DENND3: variants seen among roughly 807,000 people sequenced by gnomAD.
DENND3 encodes the protein DENN domain-containing protein 3.
DENND3 carries 88 observed loss-of-function variants against 135.1 expected under a neutral mutation model. The ratio of observed to expected loss-of-function variants is 0.65; its 90% confidence interval spans 0.55 to 0.78. The LOEUF (loss-of-function observed/expected upper bound fraction) is 0.78, where lower values mean the gene tolerates loss of function less well. DENND3 is among the 30% of genes least tolerant of loss of function. DENND3 has a pLI of 0.00. For missense variants in DENND3, 1,392 were observed against 1,688.4 expected (o/e 0.82, Z 3.08); for synonymous variants, 693 against 712.3 (o/e 0.97, Z 0.43).
chr8:141,128,766 C>G lies in DENND3; in HGVS notation c.59C>G (p.Ala20Gly). The G allele has an allele frequency of 6.8e-7, 1 of 1,469,530 alleles. No homozygotes were observed. The highest frequency in any genetic ancestry group is 9.0e-7 in the Non-Finnish European group (1 of 1,113,640). The allele number at this position is 1,469,530 out of a possible 1,614,324, so 91.0% of individuals were successfully genotyped here. ...SLPSGLLELC[A>G]LLGAPRDSLR... The stretch of plus-strand genomic sequence containing the variant: ...CCCTCGGGGCTGCTGGAGCTCTGCG[C>G]GCTGCTGGGCGCCCCCCGGGACAGT... Residue 20 changes from alanine (A) to glycine (G), a missense_variant, in exon 1 of 23, where the codon GCG becomes GGG. Physicochemically the swap from Ala to Gly is moderately conservative, Grantham distance 60. Transcript: ENST00000519811. This position sits in a 1 kb window ranked among gnomAD's most constrained non-coding sequence, Gnocchi z 4.5.
At chr8:141,155,019 G>A (rs977811307) in intron 7 of DENND3, among the ~76,000 whole-genome samples, 1 of 152,218 alleles carries the variant, frequency 6.6e-6, no homozygotes, top group Non-Finnish European at 1.5e-5. Flanking sequence ...AAATAGGCCA[G>A]TCCCAAAAGA....
Position 141,138,108 on chromosome 8 carries a change from G to C in DENND3, c.472G>C (p.Val158Leu). ...TGTCTGCGGGAATAGGACCTATGGC[G>C]TGGTGGCCCAGTACTACCGGCCCCT... is the stretch of plus-strand genomic sequence containing the variant. ...TDVCGNRTYGVVAQYYRPLHD... is the reference protein window; with the variant it reads ...TDVCGNRTYGLVAQYYRPLHD... The change falls in exon 3 of 23, where the codon GTG becomes CTG. Residue 158 changes from valine (V) to leucine (L), a missense_variant. Val to Leu is a conservative substitution (Grantham distance 32, BLOSUM62 1). Coordinates refer to ENST00000519811, the MANE Select transcript of DENND3 (RefSeq NM_001352890.3). The surrounding 1 kb of genome is among the most constrained non-coding windows in gnomAD (Gnocchi z 4.8). 1 of 1,609,154 alleles carries C rather than the reference G, an allele frequency of 6.2e-7. No individual in the cohort carries two copies. The highest frequency in any genetic ancestry group is 1.1e-5 in the South Asian group (1 of 89,936).
chr8:141,148,637 T>C (rs551711603), intron 5 of DENND3, among the ~76,000 whole-genome samples: 3 of 152,292 alleles, frequency 2.0e-5, no homozygotes, highest in African/African-American at 7.2e-5. Flanking sequence ...ATCTATGGAG[T>C]GGGTGAAATA....
rs142183683 is a variant in DENND3 at position 141,155,930 on chromosome 8, C to A, written c.1156C>A (p.Pro386Thr). The A allele has an allele frequency of 4.5e-5, 73 of 1,612,238 alleles. No individual in the cohort carries two copies. The highest frequency in any genetic ancestry group is 5.9e-5 in the Non-Finnish European group (69 of 1,178,974). The part of the protein sequence containing the change: ...SKSTDDNVDI[P>T]DVPLLAAQTF... ...GTCCACGGACGATAACGTGGACATTCCTGATGTCCCCCTCCTGGCAGCCCA... is the reference window on the plus strand; with the variant it reads ...GTCCACGGACGATAACGTGGACATTACTGATGTCCCCCTCCTGGCAGCCCA... The change falls in exon 8 of 23, where the codon CCT becomes ACT. Residue 386 changes from proline to threonine, a missense_variant. Pro to Thr is a conservative substitution (Grantham distance 38). Coordinates refer to ENST00000519811, the MANE Select transcript of DENND3 (RefSeq NM_001352890.3).
At chr8:141,155,713 T>C in intron 7 of DENND3, 136 bp from the exon 8 acceptor site, 1 of 1,173,640 alleles carries the variant, frequency 8.5e-7, no homozygotes, top group Non-Finnish European at 1.1e-6. Context: ...GGCCTATGTG[T>C]GCATTTTAAA....
chr8:141,141,355 T>C lies in DENND3; in HGVS notation c.623+31T>C. 1 of 1,528,992 alleles carries C rather than the reference T, an allele frequency of 6.5e-7. No individual in the cohort carries two copies. The highest frequency in any genetic ancestry group is 1.1e-5 in the South Asian group (1 of 89,038). 94.7% of individuals were successfully genotyped at this position (1,528,992 alleles called of 1,614,324 possible). On this transcript the variant is annotated intron_variant, in intron 4 of 22. Coordinates refer to ENST00000519811, the MANE Select transcript of DENND3 (RefSeq NM_001352890.3). This position sits in a 1 kb window ranked among gnomAD's most constrained non-coding sequence, Gnocchi z 5.3. ...CTGGGGCACCGGGGGCCAGGGGTGG[T>C]AGGGGGCAGCTCTTTGTGCCTCTCC...
chr8:141,155,919 A>G lies in DENND3; in HGVS notation c.1145A>G (p.Asn382Ser), dbSNP rs762079264. 6.2e-7 allele frequency: 1 copy of G among 1,612,790 alleles called. No individual in the cohort carries two copies. The highest frequency in any genetic ancestry group is 8.5e-7 in the Non-Finnish European group (1 of 1,179,252). Residue 382 changes from asparagine (N) to serine (S), a missense_variant, in exon 8 of 23, where the codon AAC becomes AGC. Transcript: ENST00000519811. ...SITYSKSTDDNVDIPDVPLLA... is the reference protein window; with the variant it reads ...SITYSKSTDDSVDIPDVPLLA... Reference sequence around the variant, plus strand: ...ACCTACTCCAAGTCCACGGACGATAACGTGGACATTCCTGATGTCCCCCTC... The same window carrying G: ...ACCTACTCCAAGTCCACGGACGATAGCGTGGACATTCCTGATGTCCCCCTC...
intron 17 of DENND3, 94 bp downstream of exon 17, chr8:141,180,948 G>C (rs1319491199): frequency 1.0e-6 from 1 of 995,210 alleles, no homozygotes; most frequent in Non-Finnish European, 1.5e-6. Flanking sequence ...TGAAAGGGGA[G>C]CCAGTGTCAC....
chr8:141,147,627 G>A (rs1017104464), intron 5 of DENND3, among the ~76,000 whole-genome samples: 2 of 152,148 alleles, frequency 1.3e-5, no homozygotes, highest in Admixed American at 6.5e-5. Context: ...CCCACTCCCC[G>A]TCTCTCCGAT....
chr8:141,185,708 C>G (rs1343428768), intron 18 of DENND3, among the ~76,000 whole-genome samples: 2 of 151,838 alleles, frequency 1.3e-5, no homozygotes, highest in East Asian at 3.9e-4. Flanking sequence ...TGCCTGTAGT[C>G]CCAGTTACTT....
At chr8:141,134,700 T>A (rs1243991971) in intron 1 of DENND3, among the ~76,000 whole-genome samples, 1 of 152,236 alleles carries the variant, frequency 6.6e-6, no homozygotes, top group Non-Finnish European at 1.5e-5. Flanking sequence ...TGCTTACTGA[T>A]GGAAACTGCT....
intron 1 of DENND3, among the ~76,000 whole-genome samples, chr8:141,132,494 A>T (rs549899392): frequency 1.3e-5 from 2 of 152,090 alleles, no homozygotes; most frequent in African/African-American, 2.4e-5. Context: ...AGTAGCTGGG[A>T]TTACAGGCAT....
At position 141,138,095 on chromosome 8, in the gene DENND3, T is replaced by C; in HGVS notation, c.459T>C (p.Asn153=). Residue 153 remains asparagine (N), a synonymous_variant, in exon 3 of 23, where the codon AAT becomes AAC. Transcript: ENST00000519811. The surrounding 1 kb of genome is among the most constrained non-coding windows in gnomAD (Gnocchi z 4.8). ...HFLVLTDVCG[N]RTYGVVAQYY... ...TGGTGCTGACCGATGTCTGCGGGAA[T>C]AGGACCTATGGCGTGGTGGCCCAGT... The C allele has an allele frequency of 6.2e-7, 1 of 1,610,452 alleles. No individual in the cohort carries two copies.
chr8:141,187,698 G>C (rs1003302260), intron 18 of DENND3, among the ~76,000 whole-genome samples: 7 of 152,024 alleles, frequency 4.6e-5, no homozygotes, highest in Non-Finnish European at 7.3e-5. Flanking sequence ...TTACATGTTA[G>C]AAGGTAATAA....
In DENND3 at chr8:141,183,910, G is replaced by A. The variant is rs549138932; in HGVS notation, c.2945-1229G>A. On this transcript the variant is annotated intron_variant, in intron 17 of 22. Coordinates refer to ENST00000519811, the MANE Select transcript of DENND3 (RefSeq NM_001352890.3). Reference sequence around the variant, plus strand: ...CCACCGCCCAGGCAGAGGGAGCAGCGTGCTTTCCGCCAGGGGTCTTAGTTC... The same window carrying A: ...CCACCGCCCAGGCAGAGGGAGCAGCATGCTTTCCGCCAGGGGTCTTAGTTC... 5.3e-4 allele frequency among the ~76,000 whole-genome samples: 81 copies of A among 152,304 alleles called. No homozygotes were observed. In the South Asian group the frequency reaches 0.012, roughly 23 times the overall value.
At chr8:141,193,995 T>C (rs1368753050) in intron 22 of DENND3, 38 bp from the exon 23 acceptor site, 1 of 1,601,844 alleles carries the variant, frequency 6.2e-7, no homozygotes, top group Admixed American at 1.7e-5. Context: ...TGGGAGGGGC[T>C]TCTTTCCCTG....
intron 15 of DENND3, 87 bp from the exon 16 acceptor site, chr8:141,177,980 G>A: frequency 1.4e-6 from 2 of 1,467,912 alleles, no homozygotes; most frequent in Non-Finnish European, 1.8e-6. Context: ...CATTTTGGAA[G>A]GATTGTCCTG....
chr8:141,149,845 G>T (rs987203279), intron 5 of DENND3, among the ~76,000 whole-genome samples: 11 of 152,226 alleles, frequency 7.2e-5, no homozygotes, highest in African/African-American at 2.2e-4. Context: ...AGCAACGCTG[G>T]TGTCCCCACC....
intron 5 of DENND3, among the ~76,000 whole-genome samples, chr8:141,148,147 G>A (rs1407119228): frequency 6.6e-6 from 1 of 152,208 alleles, no homozygotes; most frequent in Non-Finnish European, 1.5e-5. Flanking sequence ...GGCTGTTTTC[G>A]AGAGCAGTAG....
Sources: gnomAD v4.1 joint callset for allele counts (sites outside exome capture counted in the v4.1 genomes callset) on GRCh38, gnomAD v4.1.1 for gene constraint, Gnocchi (gnomAD v3.1) non-coding constraint, MANE v1.5 for transcripts, NCBI Gene and HGNC (gene_info 2026-07-23, HGNC 2026-07-21) for gene names.